Variants in NTM observed in about 807,000 individuals in gnomAD.
NTM encodes neurotrimin.
NTM carries 13 observed loss-of-function variants against 42.1 expected under a neutral mutation model. That is an observed-to-expected ratio of 0.31 (90% CI 0.20 to 0.49). The LOEUF (loss-of-function observed/expected upper bound fraction) is 0.49. Ranked by LOEUF, NTM falls within the 20% of genes least tolerant of loss-of-function variation. NTM has a pLI of 0.99. For missense variants in NTM, 373 were observed against 452.8 expected (o/e 0.82, Z 1.60); for synonymous variants, 187 against 179.2 (o/e 1.04, Z -0.35).
chr11:131,931,468 CGTGTGTGTGTGT>C (rs147069139), intron 2 of NTM, among the ~76,000 whole-genome samples: 51 of 142,704 alleles, frequency 3.6e-4, no homozygotes, highest in African/African-American at 1.2e-3. Context: ...ATAATATATA[CGTGTGTGTGTGT>C]GTGTGTGTGT....
At chr11:132,165,815 ATTTCTTT>A (rs1162754271) in intron 3 of NTM, among the ~76,000 whole-genome samples, 1 of 152,000 alleles carries the variant, frequency 6.6e-6, no homozygotes, top group Non-Finnish European at 1.5e-5. Flanking sequence ...TTCTTCTTTT[ATTTCTTT>A]TTGGGCTCTC....
chr11:132,048,001 CT>C (rs202240833), intron 2 of NTM, among the ~76,000 whole-genome samples: 6,343 of 147,250 alleles, frequency 0.043, 175 homozygotes, highest in Non-Finnish European at 0.057. Flanking sequence ...TTCCTATTAA[CT>C]TTTTTTTTTT....
chr11:131,506,002 A>G (rs1450732513), intron 1 of NTM, among the ~76,000 whole-genome samples: 1 of 152,046 alleles, frequency 6.6e-6, no homozygotes, highest in Non-Finnish European at 1.5e-5. Context: ...TCATACCCAT[A>G]AGAAGCCTGT....
At chr11:132,167,206 T>C (rs1299633515) in intron 3 of NTM, among the ~76,000 whole-genome samples, 1 of 151,958 alleles carries the variant, frequency 6.6e-6, no homozygotes, top group Non-Finnish European at 1.5e-5. Flanking sequence ...TTTTGGAGTT[T>C]GAGTTCTTCT....
intron 4 of NTM, among the ~76,000 whole-genome samples, chr11:132,248,864 G>T (rs989538132): frequency 2.0e-5 from 3 of 152,222 alleles, no homozygotes; most frequent in African/African-American, 7.2e-5. Context: ...TCCTCAGCTG[G>T]ATGGGCACTG....
At position 131,740,801 on chromosome 11, in the gene NTM, C is replaced by T. The variant is rs117009027; in HGVS notation, c.83-170763C>T. On this transcript the variant is annotated intron_variant, in intron 1 of 8. Transcript: ENST00000683400. ...GAATGTGGCAGCTGGAACTGAGGGT[C>T]GGCTGGGCTCAGGCACAGTGTAATG... Among the ~76,000 whole-genome samples, 82 of 152,242 alleles carry T rather than the reference C, an allele frequency of 5.4e-4. No homozygotes were observed. The East Asian group carries it at 0.013, about 23-fold the overall frequency.
At chr11:131,627,708 G>A (rs1304627971) in intron 1 of NTM, among the ~76,000 whole-genome samples, 1 of 152,042 alleles carries the variant, frequency 6.6e-6, no homozygotes, top group African/African-American at 2.4e-5. Flanking sequence ...GTGCATGCCT[G>A]TGGTCCCACC....
chr11:131,379,743 C>T (rs1264008871), intron 1 of NTM, among the ~76,000 whole-genome samples: 1 of 152,108 alleles, frequency 6.6e-6, no homozygotes, highest in Non-Finnish European at 1.5e-5. Context: ...CTGTGATTTC[C>T]TCCCTTTCTC....
At chr11:132,166,206 G>A (rs1177670514) in intron 3 of NTM, among the ~76,000 whole-genome samples, 1 of 152,080 alleles carries the variant, frequency 6.6e-6, no homozygotes, top group East Asian at 1.9e-4. Flanking sequence ...ACATGACCTA[G>A]TTTTCTTAAC....
intron 1 of NTM, among the ~76,000 whole-genome samples, chr11:131,704,478 G>C (rs1019533084): frequency 6.6e-6 from 1 of 152,182 alleles, no homozygotes; most frequent in African/African-American, 2.4e-5. Context: ...GAAGCTGACT[G>C]GTGAAGGACT....
In NTM at chr11:131,896,728, GC is replaced by G. The variant is rs547960136; in HGVS notation, c.83-14833del. Among the ~76,000 whole-genome samples, 350 of 133,080 alleles carry G rather than the reference GC, an allele frequency of 2.6e-3. 2 individuals carry two copies. Among genetic ancestry groups the G allele is most frequent in the African/African-American group, 9.6e-3 (330 of 34,224 alleles). The allele number at this position is 133,080 out of a possible 152,430, so 87.3% of individuals were successfully genotyped here. A position where few individuals can be genotyped will look rare whatever the true frequency, so the allele number is the denominator to read the frequency against. ...CTCTGAGACGGAGTCTGGCTCTGTC[GC>G]CCAGGCTGGAGTGCGGTGGTGTGAT... On this transcript the variant is annotated intron_variant, in intron 1 of 8. Coordinates refer to ENST00000683400, the MANE Select transcript of NTM (RefSeq NM_001352005.2).
At chr11:131,953,124 G>A (rs190107347) in intron 2 of NTM, among the ~76,000 whole-genome samples, 8 of 152,224 alleles carry the variant, frequency 5.3e-5, no homozygotes, top group Admixed American at 2.0e-4. Flanking sequence ...ACAAGCATGG[G>A]GTAGGTAAGG....
intron 1 of NTM, among the ~76,000 whole-genome samples, chr11:131,690,719 G>T (rs367734634): frequency 3.0e-4 from 46 of 152,368 alleles, no homozygotes; most frequent in African/African-American, 1.0e-3. Flanking sequence ...AAGGCAGGAC[G>T]TGGGTGCTAA....
intron 1 of NTM, chr11:131,535,185 CTTAA>C (rs1453872349): frequency 1.3e-5 from 2 of 152,204 alleles, no homozygotes; most frequent in Non-Finnish European, 2.9e-5. Context: ...AGAAGGAGGA[CTTAA>C]TTAATCGGTG....
At chr11:131,573,166 A>G (rs1003269369) in intron 1 of NTM, among the ~76,000 whole-genome samples, 5 of 152,134 alleles carry the variant, frequency 3.3e-5, no homozygotes, top group African/African-American at 1.2e-4. Flanking sequence ...GTAAAGTCTG[A>G]CCTGCTGCCC....
At chr11:131,686,195 C>A (rs1233980826) in intron 1 of NTM, among the ~76,000 whole-genome samples, 1 of 152,230 alleles carries the variant, frequency 6.6e-6, no homozygotes, top group Admixed American at 6.5e-5. Flanking sequence ...CTACAGTTGA[C>A]CCTCAAATAA....
rs1309022108 is a variant in NTM at position 131,410,440 on chromosome 11, C to T, written c.82+39552C>T. On this transcript the variant is annotated intron_variant, in intron 1 of 8. Transcript: ENST00000683400. ...GTTTGAGGTTGTAGTGAGCTATGAG[C>T]TGTGATTGTACCACTGCACTCCAGC... 2.1e-5 allele frequency among the ~76,000 whole-genome samples: 3 copies of T among 143,916 alleles called. No homozygotes were observed. The Admixed American group carries it at 2.2e-4, about 11-fold the overall frequency. 94.4% of individuals were successfully genotyped at this position (143,916 alleles called of 152,430 possible).
At chr11:131,495,474 T>A (rs2136321995) in intron 1 of NTM, among the ~76,000 whole-genome samples, 1 of 152,340 alleles carries the variant, frequency 6.6e-6, no homozygotes, top group Non-Finnish European at 1.5e-5. Flanking sequence ...GGGCTTGCTT[T>A]TGCCTCTCTG....
At chr11:131,849,576 A>T (rs1375174538) in intron 1 of NTM, among the ~76,000 whole-genome samples, 1 of 152,100 alleles carries the variant, frequency 6.6e-6, no homozygotes, top group African/African-American at 2.4e-5. Flanking sequence ...ACCAGGCCCC[A>T]TCTCCAGCAC....
Sources: allele counts gnomAD v4.1 joint callset (sites outside exome capture counted in the v4.1 genomes callset), GRCh38; gene constraint gnomAD v4.1.1; transcripts MANE v1.5; gene names NCBI Gene and HGNC (gene_info 2026-07-23, HGNC 2026-07-21).